The following UGT1A1 variants were observed in gnomAD, a reference collection of about 807,000 sequenced individuals.
UGT1A1 encodes the protein UDP-glucuronosyltransferase 1A1.
In UGT1A1, 33 loss-of-function variants were observed where a neutral mutation model predicts 40.6. The ratio of observed to expected loss-of-function variants is 0.81; its 90% confidence interval spans 0.62 to 1.09. The LOEUF is 1.09. Among genes scored for constraint, UGT1A1 ranks in the 50% least tolerant of loss-of-function variants. The probability of loss-of-function intolerance (pLI) is 0.00; values close to 1 mark genes in which losing one functional copy is unlikely to be tolerated. For missense variants in UGT1A1, 694 were observed against 671.2 expected (o/e 1.03, Z -0.38); for synonymous variants, 249 against 265.0 (o/e 0.94, Z 0.59).
chr2:233,760,488 C>T lies in UGT1A1; in HGVS notation c.201C>T (p.Tyr67=), dbSNP rs2125984883. The change falls in exon 1 of 5, where the codon TAC becomes TAT. Residue 67 remains tyrosine (Y), a synonymous_variant. Coordinates refer to ENST00000305208, the MANE Select transcript of UGT1A1 (RefSeq NM_000463.3). ...IVVLAPDASL[Y]IRDGAFYTLK... is the part of the protein sequence containing the mutation. ...TCCTAGCACCTGACGCCTCGTTGTACATCAGAGACGGAGCATTTTACACCT... is the reference window on the plus strand; with the variant it reads ...TCCTAGCACCTGACGCCTCGTTGTATATCAGAGACGGAGCATTTTACACCT... The T allele has an allele frequency of 6.2e-7, 1 of 1,614,254 alleles. No individual in the cohort carries two copies. Among genetic ancestry groups the T allele is most frequent in the Non-Finnish European group, 8.5e-7 (1 of 1,180,050 alleles).
intron 1 of UGT1A1, among the ~76,000 whole-genome samples, chr2:233,763,113 C>T (rs529760384): frequency 4.9e-4 from 74 of 152,338 alleles, no homozygotes; most frequent in African/African-American, 1.7e-3. Flanking sequence ...ACTTTATCAG[C>T]TGCCTTTCTG....
In UGT1A1 at chr2:233,768,235, G is replaced by A. The variant is rs374047963; in HGVS notation, c.1100G>A (p.Arg367His). ...QNDLLGHPMT[R>H]AFITHAGSHG... ...TGCATCTCAGGTCACCCGATGACCC[G>A]TGCCTTTATCACCCATGCTGGTTCC... Residue 367 changes from arginine (R) to histidine (H), a missense_variant, in exon 4 of 5, where the codon CGT becomes CAT. Physicochemically the swap from Arg to His is conservative, Grantham distance 29. Transcript: ENST00000305208. 3.8e-5 allele frequency: 62 copies of A among 1,614,018 alleles called. No homozygotes were observed. The highest frequency in any genetic ancestry group is 1.6e-4 in the Middle Eastern group (1 of 6,084).
In UGT1A1 at chr2:233,768,234, C is replaced by G. The variant is rs55750087; in HGVS notation, c.1099C>G (p.Arg367Gly). 2 of 1,614,044 alleles carry G rather than the reference C, an allele frequency of 1.2e-6. No homozygotes were observed. The highest frequency in any genetic ancestry group is 4.5e-5 in the East Asian group (2 of 44,882). Reference protein sequence around the residue: ...QNDLLGHPMTRAFITHAGSHG... With the variant: ...QNDLLGHPMTGAFITHAGSHG... ...TTGCATCTCAGGTCACCCGATGACCCGTGCCTTTATCACCCATGCTGGTTC... is the reference window on the plus strand; with the variant it reads ...TTGCATCTCAGGTCACCCGATGACCGGTGCCTTTATCACCCATGCTGGTTC... Residue 367 changes from arginine (R) to glycine (G), a missense_variant, in exon 4 of 5, where the codon CGT becomes GGT. Arg to Gly is a moderately radical substitution (Grantham distance 125). Coordinates refer to ENST00000305208, the MANE Select transcript of UGT1A1 (RefSeq NM_000463.3).
chr2:233,766,442 C>CT (rs982093013), intron 1 of UGT1A1, among the ~76,000 whole-genome samples: 2 of 152,206 alleles, frequency 1.3e-5, no homozygotes, highest in African/African-American at 4.8e-5. Flanking sequence ...ACCTGTGTGT[C>CT]TGCCTGCTAG....
intron 1 of UGT1A1, among the ~76,000 whole-genome samples, chr2:233,764,100 A>T (rs549144830): frequency 7.2e-5 from 11 of 152,262 alleles, no homozygotes; most frequent in Non-Finnish European, 1.6e-4. Context: ...AACTAAAAAT[A>T]CAAAATTCTT....
chr2:233,769,819 C>A lies in UGT1A1; in HGVS notation c.1304+1380C>A. On this transcript the variant is annotated intron_variant, in intron 4 of 4. Transcript: ENST00000305208. The surrounding 1 kb of genome is among the most constrained non-coding windows in gnomAD (Gnocchi z 4.4). ...GCTATGAGCCGTGATCATGCCACTG[C>A]ACTCCAGCAACCTGGGCAACAGAGT... 2 of 840,292 alleles carry A rather than the reference C, an allele frequency of 2.4e-6. No homozygotes were observed. The highest frequency in any genetic ancestry group is 3.4e-6 in the Non-Finnish European group (2 of 594,478). The allele number at this position is 840,292 out of a possible 1,614,324, so 52.1% of individuals were successfully genotyped here.
Position 233,760,762 on chromosome 2 carries a change from A to G in UGT1A1, c.475A>G (p.Ile159Val). Residue 159 changes from isoleucine to valine, a missense_variant, in exon 1 of 5, where the codon ATC (isoleucine) becomes GTC (valine). By Grantham distance (29) the Ile-to-Val change is conservative. Transcript: ENST00000305208. Reference sequence around the variant, plus strand: ...GGACCCTTTCCTTCCTTGCAGCCCCATCGTGGCCCAGTACCTGTCTCTGCC... The same window carrying G: ...GGACCCTTTCCTTCCTTGCAGCCCCGTCGTGGCCCAGTACCTGTCTCTGCC... ...LTDPFLPCSP[I>V]VAQYLSLPTV... is the part of the protein sequence containing the mutation. 5.6e-6 allele frequency: 9 copies of G among 1,614,056 alleles called. No homozygotes were observed. The highest frequency in any genetic ancestry group is 7.6e-6 in the Non-Finnish European group (9 of 1,179,958).
chr2:233,767,285 T>C (rs1440125583), intron 2 of UGT1A1, 120 bp downstream of exon 2: 1 of 1,569,258 alleles, frequency 6.4e-7, no homozygotes, highest in Non-Finnish European at 8.6e-7. Flanking sequence ...CCCTGCCACT[T>C]CCCAACTATT....
Position 233,772,475 on chromosome 2 carries a change from C to T in UGT1A1, c.1518C>T (p.Thr506=), listed in dbSNP as rs190427553. ...TCGTGCTGACAGTGGCCTTCATCAC[C>T]TTTAAATGTTGTGCTTATGGCTACC... ...LAVVLTVAFI[T]FKCCAYGYRK... is the part of the protein sequence containing the mutation. The change falls in exon 5 of 5, where the codon ACC becomes ACT. Residue 506 remains threonine (T), a synonymous_variant. Transcript: ENST00000305208. 20 of 1,614,018 alleles carry T rather than the reference C, an allele frequency of 1.2e-5. No individual in the cohort carries two copies. The highest frequency in any genetic ancestry group is 5.3e-5 in the African/African-American group (4 of 74,894).
chr2:233,762,263 T>A (rs1459310284), intron 1 of UGT1A1, among the ~76,000 whole-genome samples: 1 of 152,194 alleles, frequency 6.6e-6, no homozygotes, highest in Non-Finnish European at 1.5e-5. Context: ...CGAATATGTG[T>A]TACATTAATG....
In UGT1A1 at chr2:233,772,799, AT is replaced by A; in HGVS notation, c.*245del. 3 of 1,169,378 alleles carry A rather than the reference AT, an allele frequency of 2.6e-6. No homozygotes were observed. The highest frequency in any genetic ancestry group is 3.4e-6 in the Non-Finnish European group (3 of 874,384). 72.4% of individuals were successfully genotyped at this position (1,169,378 alleles called of 1,614,324 possible). ...GTCTTTGATCAGGATGACATGTGCC[AT>A]TTTTCAGAGGACGTGCAGACAGGCT... is the stretch of plus-strand genomic sequence containing the variant. On this transcript the variant is annotated 3_prime_UTR_variant, in exon 5 of 5. Transcript: ENST00000305208.
In UGT1A1 at chr2:233,760,872, G is replaced by C; in HGVS notation, c.585G>C (p.Arg195Ser). The C allele has an allele frequency of 6.2e-7, 1 of 1,614,112 alleles. No homozygotes were observed. The highest frequency in any genetic ancestry group is 8.5e-7 in the Non-Finnish European group (1 of 1,180,022). ...CCAACCCATTCTCCTACGTGCCCAGGCCTCTCTCCTCTCATTCAGATCACA... is the reference window on the plus strand; with the variant it reads ...CCAACCCATTCTCCTACGTGCCCAGCCCTCTCTCCTCTCATTCAGATCACA... Reference protein sequence around the residue: ...QCPNPFSYVPRPLSSHSDHMT... With the variant: ...QCPNPFSYVPSPLSSHSDHMT... The change falls in exon 1 of 5, where the codon AGG becomes AGC. Residue 195 changes from arginine (R) to serine (S), a missense_variant. Arg to Ser is a moderately radical substitution (Grantham distance 110). Transcript: ENST00000305208.
rs34358487 is a variant in UGT1A1, at chr2:233,769,432, CAT to C, written c.1304+994_1304+995del. The C allele has an allele frequency of 1.6e-5, 25 of 1,545,990 alleles. No homozygotes were observed. In the East Asian group the frequency reaches 1.8e-4, roughly 11 times the overall value. ...GTGCGTTTGTGCATGTGGCTGTGCT[CAT>C]GTGTGGGTGCACACGTGTGCATTCA... On this transcript the variant is annotated intron_variant, in intron 4 of 4. Coordinates refer to ENST00000305208, the MANE Select transcript of UGT1A1 (RefSeq NM_000463.3). The surrounding 1 kb of genome is among the most constrained non-coding windows in gnomAD (Gnocchi z 4.4).
rs886043066 is a variant in UGT1A1 at position 233,768,310 on chromosome 2, C to T, written c.1175C>T (p.Pro392Leu). 74 of 1,613,942 alleles carry T rather than the reference C, an allele frequency of 4.6e-5. No homozygotes were observed. Among genetic ancestry groups the T allele is most frequent in the Non-Finnish European group, 6.2e-5 (73 of 1,180,026 alleles). The change falls in exon 4 of 5, where the codon CCC becomes CTC. Residue 392 changes from proline to leucine, a missense_variant. Pro to Leu is a moderately conservative substitution (Grantham distance 98). Coordinates refer to ENST00000305208, the MANE Select transcript of UGT1A1 (RefSeq NM_000463.3). ...ICNGVPMVMM[P>L]LFGDQMDNAK... Reference sequence around the variant, plus strand: ...AATGGCGTTCCCATGGTGATGATGCCCTTGTTTGGTGATCAGATGGACAAT... The same window carrying T: ...AATGGCGTTCCCATGGTGATGATGCTCTTGTTTGGTGATCAGATGGACAAT...
chr2:233,765,846 C>T (rs562820887), intron 1 of UGT1A1, among the ~76,000 whole-genome samples: 4 of 152,146 alleles, frequency 2.6e-5, no homozygotes, highest in African/African-American at 7.2e-5. Flanking sequence ...CCTTGTCCCC[C>T]TCACAGAGCA....
At chr2:233,765,730 T>TAATAAA (rs1427774434) in intron 1 of UGT1A1, among the ~76,000 whole-genome samples, 195 of 150,280 alleles carry the variant, frequency 1.3e-3, no homozygotes, top group Admixed American at 3.5e-3. Context: ...ATAATAATAA[T>TAATAAA]AAATAAACCC....
chr2:233,772,831 T>TCACACAAGAAAG lies in UGT1A1; in HGVS notation c.*273_*274insACACAAGAAAGC. 2 of 893,952 alleles carry TCACACAAGAAAG rather than the reference T, an allele frequency of 2.2e-6. No individual in the cohort carries two copies. Among genetic ancestry groups the TCACACAAGAAAG allele is most frequent in the Non-Finnish European group, 3.1e-6 (2 of 642,656 alleles). 55.4% of individuals were successfully genotyped at this position (893,952 alleles called of 1,614,324 possible). A position where few individuals can be genotyped will look rare whatever the true frequency, so the allele number is the denominator to read the frequency against. On this transcript the variant is annotated 3_prime_UTR_variant, in exon 5 of 5. Transcript: ENST00000305208. ...AGAGGACGTGCAGACAGGCTGGCAT[T>TCACACAAGAAAG]CTAGATTACTTTTCTTACTCTGAAA...
rs17868341 is a variant in UGT1A1 at position 233,761,240 on chromosome 2, C to T, written c.864+89C>T. ...TAACTAGCCCCAGATATATGCTGAG[C>T]AAGCATTCTGAGATAATTTAAAATG... is the stretch of plus-strand genomic sequence containing the variant. On this transcript the variant is annotated intron_variant, in intron 1 of 4. Coordinates refer to ENST00000305208, the MANE Select transcript of UGT1A1 (RefSeq NM_000463.3). 0.052 allele frequency: 84,282 copies of T among 1,611,682 alleles called. 2,670 individuals carry two copies. The highest frequency in any genetic ancestry group is 0.063 in the Non-Finnish European group (74,222 of 1,178,902).
rs533404227 is a variant in UGT1A1, at chr2:233,760,412, G to A, written c.125G>A (p.Ser42Asn). 5.0e-6 allele frequency: 8 copies of A among 1,614,222 alleles called. No homozygotes were observed. The African/African-American group carries it at 1.1e-4, about 22-fold the overall frequency. ...LIPVDGSHWL[S>N]MLGAIQQLQQ... Reference sequence around the variant, plus strand: ...CCAGTGGATGGCAGCCACTGGCTGAGCATGCTTGGGGCCATCCAGCAGCTG... The same window carrying A: ...CCAGTGGATGGCAGCCACTGGCTGAACATGCTTGGGGCCATCCAGCAGCTG... The change falls in exon 1 of 5, where the codon AGC becomes AAC. Residue 42 changes from serine (S) to asparagine (N), a missense_variant. Physicochemically the swap from Ser to Asn is conservative, Grantham distance 46. Transcript: ENST00000305208.
Sources: allele counts gnomAD v4.1 joint callset (sites outside exome capture counted in the v4.1 genomes callset), GRCh38; gene constraint gnomAD v4.1.1; non-coding constraint Gnocchi (gnomAD v3.1); transcripts MANE v1.5; gene names NCBI Gene and HGNC (gene_info 2026-07-23, HGNC 2026-07-21).